The following XIRP2 variants were observed in gnomAD, a reference collection of about 807,000 sequenced individuals.
The protein encoded by XIRP2 is xin actin-binding repeat-containing protein 2.
Under a neutral mutation model 277.0 loss-of-function variants are expected in XIRP2, and 236 were observed. The observed-to-expected ratio is 0.85, with a 90% CI of 0.77 to 0.95. The LOEUF (loss-of-function observed/expected upper bound fraction) is 0.95, where lower values mean the gene tolerates loss of function less well. Among genes scored for constraint, XIRP2 ranks in the 40% least tolerant of loss-of-function variants. XIRP2 has a pLI of 0.00. For synonymous variants in XIRP2, 1,490 were observed against 1,416.5 expected, an observed-to-expected ratio of 1.05 and a Z score of -1.17; for missense variants, 4,640 against 4,157.5, an observed-to-expected ratio of 1.12 and a Z score of -3.19.
At chr2:166,913,313 C>CCG (rs937152454) in intron 2 of XIRP2, among the ~76,000 whole-genome samples, 1 of 128,708 alleles carries the variant, frequency 7.8e-6, no homozygotes, top group Non-Finnish European at 1.7e-5. Context: ...GGTGGGCACC[C>CCG]CCCCCCCCCA....
In XIRP2 at chr2:167,123,529, C is replaced by T. The variant is rs183863193; in HGVS notation, c.409-12380C>T. ...TTTTGTTTTGTTTTGTTTTGTTTTG[C>T]AGTTTTAGAGGTTAGAAGTCAAGAT... On this transcript the variant is annotated intron_variant, in intron 2 of 10. Coordinates refer to ENST00000409195, the MANE Select transcript of XIRP2 (RefSeq NM_152381.6). 1.1e-4 allele frequency among the ~76,000 whole-genome samples: 16 copies of T among 151,014 alleles called. No homozygotes were observed. In the East Asian group the frequency reaches 3.2e-3, roughly 30 times the overall value.
chr2:167,178,743 T>G (rs1021396540), intron 3 of XIRP2, among the ~76,000 whole-genome samples: 2 of 152,156 alleles, frequency 1.3e-5, no homozygotes, highest in Admixed American at 6.5e-5. Context: ...CAAATTAAAC[T>G]TTTTGCTTTT....
At chr2:167,114,880 T>C (rs1405711945) in intron 2 of XIRP2, among the ~76,000 whole-genome samples, 1 of 152,184 alleles carries the variant, frequency 6.6e-6, no homozygotes, top group African/African-American at 2.4e-5. Flanking sequence ...GTCTTTGCTA[T>C]TGTGAATAGT....
intron 3 of XIRP2, among the ~76,000 whole-genome samples, chr2:167,196,735 A>T (rs1245844201): frequency 6.6e-6 from 1 of 152,120 alleles, no homozygotes; most frequent in East Asian, 1.9e-4. Context: ...GGACATCCTG[A>T]AAACCTACTG....
In XIRP2 at chr2:167,210,844, G is replaced by A. The variant is rs1466142789; in HGVS notation, c.672G>A (p.Ala224=). The A allele has an allele frequency of 5.6e-6, 9 of 1,614,026 alleles. No homozygotes were observed. Among genetic ancestry groups the A allele is most frequent in the African/African-American group, 2.7e-5 (2 of 74,918 alleles). Residue 224 remains alanine, a synonymous_variant, in exon 4 of 11, where the codon GCG becomes GCA. Transcript: ENST00000409195. ...HEVVSLKERM[A]RYQAAVSRGD... ...TGGTCTCCCTGAAGGAGCGGATGGC[G>A]AGGTACCAGGCAGCTGTTTCCAGGG...
chr2:167,009,220 C>G (rs1283776795), intron 2 of XIRP2, among the ~76,000 whole-genome samples: 2 of 114,932 alleles, frequency 1.7e-5, no homozygotes, highest in African/African-American at 6.5e-5. Flanking sequence ...CCCCTCCCCC[C>G]ACCCCACAAC....
intron 2 of XIRP2, among the ~76,000 whole-genome samples, chr2:166,907,632 A>G (rs1425197065): frequency 6.7e-6 from 1 of 148,480 alleles, no homozygotes; most frequent in Non-Finnish European, 1.5e-5. Context: ...TTTTTTTAAT[A>G]CTCTAAGTTC....
At chr2:167,022,849 C>T (rs1016919537) in intron 2 of XIRP2, among the ~76,000 whole-genome samples, 4 of 152,130 alleles carry the variant, frequency 2.6e-5, no homozygotes, top group Non-Finnish European at 4.4e-5. Context: ...TAATACAGTC[C>T]ATCATTGTTG....
At position 167,258,787 on chromosome 2, in the gene XIRP2, T is replaced by A; in HGVS notation, c.*970T>A. The A allele has an allele frequency of 6.2e-7, 1 of 1,613,312 alleles. No individual in the cohort carries two copies. The highest frequency in any genetic ancestry group is 8.5e-7 in the Non-Finnish European group (1 of 1,179,610). ...AAGCAAATGACACTGCAAATGAATA[T>A]GAAATTGAGAAGTTAGAAAATACAT... On this transcript the variant is annotated 3_prime_UTR_variant, in exon 11 of 11. Transcript: ENST00000409195.
At chr2:167,082,846 C>T (rs1417211234) in intron 2 of XIRP2, among the ~76,000 whole-genome samples, 6 of 152,136 alleles carry the variant, frequency 3.9e-5, no homozygotes, top group Admixed American at 3.9e-4. Flanking sequence ...GATATTAGCC[C>T]TTTGTCAGAT....
intron 2 of XIRP2, among the ~76,000 whole-genome samples, chr2:167,103,444 T>A (rs1690539301): frequency 6.6e-6 from 1 of 152,180 alleles, no homozygotes; most frequent in Admixed American, 6.6e-5. Context: ...TTTGGCTTTT[T>A]CTGAATGTGC....
chr2:167,115,049 A>C (rs542135769), intron 2 of XIRP2, among the ~76,000 whole-genome samples: 17 of 152,266 alleles, frequency 1.1e-4, no homozygotes, highest in Middle Eastern at 3.4e-3. Flanking sequence ...GAACTAGTTT[A>C]CAGTCCCACC....
chr2:166,968,088 T>G (rs59383854), intron 2 of XIRP2, among the ~76,000 whole-genome samples: 5,078 of 152,020 alleles, frequency 0.033, 108 homozygotes, highest in East Asian at 0.079. Context: ...TTTCAAGAAG[T>G]TTATGCTAGC....
chr2:167,041,238 A>G (rs1269118589), intron 2 of XIRP2, among the ~76,000 whole-genome samples: 1 of 152,220 alleles, frequency 6.6e-6, no homozygotes, highest in Non-Finnish European at 1.5e-5. Context: ...GAACCAGTTC[A>G]AGAACCCTGG....
In XIRP2 at chr2:167,003,865, G is replaced by A. The variant is rs60675547; in HGVS notation, c.408+99975G>A. Among the ~76,000 whole-genome samples, 938 of 151,894 alleles carry A rather than the reference G, an allele frequency of 6.2e-3. 77 individuals are homozygous for A. The East Asian group carries it at 0.16, about 26-fold the overall frequency. On this transcript the variant is annotated intron_variant, in intron 2 of 10. Coordinates refer to ENST00000409195, the MANE Select transcript of XIRP2 (RefSeq NM_152381.6). ...ATTTTGGCTTTTCTTAATAAACTGT[G>A]TTTCTGATAACATCTTTATCCATCT... is the stretch of plus-strand genomic sequence containing the variant.
intron 2 of XIRP2, among the ~76,000 whole-genome samples, chr2:166,911,974 T>G (rs1247621726): frequency 6.6e-6 from 1 of 152,230 alleles, no homozygotes; most frequent in Non-Finnish European, 1.5e-5. Context: ...TGCCGAGAGA[T>G]CCACTGTTAG....
chr2:167,258,385 G>A lies in XIRP2; in HGVS notation c.*568G>A, dbSNP rs1179348684. 2 of 1,613,230 alleles carry A rather than the reference G, an allele frequency of 1.2e-6. No individual in the cohort carries two copies. On this transcript the variant is annotated 3_prime_UTR_variant, in exon 11 of 11. Transcript: ENST00000409195. The stretch of plus-strand genomic sequence containing the variant: ...AGTCCACCCATGTTTGTCAGAAAGA[G>A]GATGTTATAGGAATCAAAGAAATGA...
intron 10 of XIRP2, among the ~76,000 whole-genome samples, chr2:167,254,550 T>C (rs1185917359): frequency 6.6e-6 from 1 of 151,890 alleles, no homozygotes; most frequent in African/African-American, 2.4e-5. Flanking sequence ...GCCGTACTGC[T>C]TCTGTCACTA....
chr2:167,021,841 T>A (rs562019759), intron 2 of XIRP2, among the ~76,000 whole-genome samples: 27 of 152,112 alleles, frequency 1.8e-4, no homozygotes, highest in South Asian at 2.1e-4. Flanking sequence ...AAAATTTTTT[T>A]AAAAATTGCC....
Sources: allele counts gnomAD v4.1 joint callset (sites outside exome capture counted in the v4.1 genomes callset), GRCh38; gene constraint gnomAD v4.1.1; transcripts MANE v1.5; gene names NCBI Gene and HGNC (gene_info 2026-07-23, HGNC 2026-07-21).